The following NRF1 variants were observed in gnomAD, a reference collection of about 807,000 sequenced individuals.
NRF1 encodes the protein nuclear respiratory factor 1, also known as alpha palindromic-binding protein.
In NRF1, 5 loss-of-function variants were observed where a neutral mutation model predicts 58.5. The observed-to-expected ratio is 0.09, with a 90% CI of 0.04 to 0.18. The LOEUF is 0.18. Ranked by LOEUF, NRF1 falls within the 10% of genes least tolerant of loss-of-function variation. NRF1 has a pLI of 1.00. For synonymous variants in NRF1, 224 were observed against 246.7 expected (o/e 0.91, Z 0.86); for missense variants, 288 against 657.7 (o/e 0.44, Z 6.15).
intron 1 of NRF1, among the ~76,000 whole-genome samples, chr7:129,649,543 C>T (rs938316775): frequency 3.3e-5 from 5 of 152,170 alleles, no homozygotes; most frequent in Non-Finnish European, 7.3e-5. Flanking sequence ...AAATTTAACT[C>T]CCTTGGACAT....
chr7:129,709,400 C>G (rs570793459), intron 6 of NRF1, among the ~76,000 whole-genome samples, 167 bp downstream of exon 6: 2 of 152,078 alleles, frequency 1.3e-5, no homozygotes, highest in African/African-American at 4.8e-5. Flanking sequence ...ATTTGTCGCT[C>G]CATCACTATA....
At chr7:129,708,116 A>G (rs1376177348) in intron 5 of NRF1, among the ~76,000 whole-genome samples, 1 of 152,212 alleles carries the variant, frequency 6.6e-6, no homozygotes, top group Non-Finnish European at 1.5e-5. Flanking sequence ...GTATGGGTGC[A>G]TCCTTAGTTG....
At chr7:129,664,892 G>T (rs1584621156) in intron 2 of NRF1, among the ~76,000 whole-genome samples, 1 of 152,324 alleles carries the variant, frequency 6.6e-6, no homozygotes, top group African/African-American at 2.4e-5. Context: ...AGTGCGAAAG[G>T]CTTATTGGGG....
At chr7:129,620,158 A>G (rs1180664785) in intron 1 of NRF1, among the ~76,000 whole-genome samples, 3 of 152,170 alleles carry the variant, frequency 2.0e-5, no homozygotes, top group Non-Finnish European at 4.4e-5. Flanking sequence ...AATCTTGAGT[A>G]GGTGTCTCAG....
rs572086899 is a variant in NRF1 at position 129,641,357 on chromosome 7, C to T, written c.-6-15989C>T. On this transcript the variant is annotated intron_variant, in intron 1 of 10. Transcript: ENST00000393232. ...TTTGATCCATCAACTTCCTGTAGGG[C>T]CTCTTAACTTGCCATTTTGGAAAAT... is the stretch of plus-strand genomic sequence containing the variant. Among the ~76,000 whole-genome samples the T allele has an allele frequency of 3.3e-5, 5 of 152,208 alleles. No individual in the cohort carries two copies. The South Asian group carries it at 8.3e-4, about 25-fold the overall frequency.
chr7:129,751,796 C>T (rs1304987863), intron 10 of NRF1, among the ~76,000 whole-genome samples: 1 of 152,266 alleles, frequency 6.6e-6, no homozygotes, highest in Non-Finnish European at 1.5e-5. Context: ...CCTGGAGGAA[C>T]ACACAGGTGT....
chr7:129,690,065 G>A (rs770439747), intron 4 of NRF1, among the ~76,000 whole-genome samples: 36 of 152,208 alleles, frequency 2.4e-4, no homozygotes, highest in Non-Finnish European at 4.3e-4. Context: ...AATGGCCTGG[G>A]AAATGCAGAA....
chr7:129,671,190 G>A (rs1389558899), intron 2 of NRF1, among the ~76,000 whole-genome samples: 1 of 152,168 alleles, frequency 6.6e-6, no homozygotes, highest in Admixed American at 6.5e-5. Flanking sequence ...AAACTAGTGT[G>A]TGATGGGGAG....
intron 1 of NRF1, among the ~76,000 whole-genome samples, chr7:129,623,567 A>G (rs1015664156): frequency 1.3e-5 from 2 of 152,210 alleles, no homozygotes; most frequent in Non-Finnish European, 2.9e-5. Context: ...TTTATATGGT[A>G]GAATCCTATT....
At chr7:129,745,346 C>A (rs1047406374) in intron 10 of NRF1, among the ~76,000 whole-genome samples, 1 of 152,140 alleles carries the variant, frequency 6.6e-6, no homozygotes, top group African/African-American at 2.4e-5. Flanking sequence ...GTCCCCAGTC[C>A]CTGGCACGGC....
intron 1 of NRF1, among the ~76,000 whole-genome samples, chr7:129,619,390 A>C (rs1399385960): frequency 1.3e-5 from 1 of 78,392 alleles, no homozygotes; most frequent in Non-Finnish European, 2.4e-5. Flanking sequence ...TGGACTTGGC[A>C]TACGTGTATA....
chr7:129,642,273 C>T (rs529353660), intron 1 of NRF1, among the ~76,000 whole-genome samples: 4 of 152,208 alleles, frequency 2.6e-5, no homozygotes, highest in South Asian at 2.1e-4. Flanking sequence ...CGTGAGCCAC[C>T]GCGCCCAGCC....
chr7:129,612,597 C>A (rs1304824516), intron 1 of NRF1, among the ~76,000 whole-genome samples: 1 of 152,184 alleles, frequency 6.6e-6, no homozygotes, highest in Admixed American at 6.5e-5. Context: ...GCGGAGGGGC[C>A]GCGGTTCTTC....
At chr7:129,706,021 A>G (rs1160801600) in intron 5 of NRF1, among the ~76,000 whole-genome samples, 1 of 152,224 alleles carries the variant, frequency 6.6e-6, no homozygotes, top group African/African-American at 2.4e-5. Flanking sequence ...GCACTAAAGA[A>G]TGAGTGGCGG....
chr7:129,662,912 C>A (rs1466007985), intron 2 of NRF1, among the ~76,000 whole-genome samples: 1 of 152,116 alleles, frequency 6.6e-6, no homozygotes, highest in Non-Finnish European at 1.5e-5. Context: ...GGCCTTCGGC[C>A]CTGTTTGTGT....
intron 5 of NRF1, among the ~76,000 whole-genome samples, chr7:129,705,939 G>A (rs1401110081): frequency 1.3e-5 from 2 of 148,574 alleles, no homozygotes; most frequent in Non-Finnish European, 3.0e-5. Context: ...AGATCCGAGA[G>A]TGAGAGAGAG....
chr7:129,629,711 G>C (rs959820529), intron 1 of NRF1, among the ~76,000 whole-genome samples: 1 of 152,166 alleles, frequency 6.6e-6, no homozygotes, highest in African/African-American at 2.4e-5. Context: ...ACTCTGGGGA[G>C]AAGAGTTAAT....
chr7:129,663,612 G>A (rs61498891), intron 2 of NRF1, among the ~76,000 whole-genome samples: 4,288 of 150,274 alleles, frequency 0.029, 202 homozygotes, highest in African/African-American at 0.098. Flanking sequence ...ACGGGGTGGC[G>A]GCTGGGCAGA....
chr7:129,630,747 T>A (rs1474240146), intron 1 of NRF1, among the ~76,000 whole-genome samples: 29 of 152,170 alleles, frequency 1.9e-4, no homozygotes, highest in Non-Finnish European at 3.4e-4. Context: ...GGGTAAATTG[T>A]CAGATTATTT....
Sources: allele counts gnomAD v4.1 joint callset (sites outside exome capture counted in the v4.1 genomes callset), GRCh38; gene constraint gnomAD v4.1.1; transcripts MANE v1.5; gene names NCBI Gene and HGNC (gene_info 2026-07-23, HGNC 2026-07-21).